ADAMTSL1: variants seen among roughly 807,000 people sequenced by gnomAD.
ADAMTSL1 encodes the protein ADAMTS-like protein 1.
A neutral mutation model predicts 201.8 loss-of-function variants in ADAMTSL1; 126 were observed. The ratio of observed to expected loss-of-function variants is 0.62; its 90% confidence interval spans 0.54 to 0.72. ADAMTSL1 has a LOEUF of 0.72. Ranked by LOEUF, ADAMTSL1 falls within the 30% of genes least tolerant of loss-of-function variation. The pLI is 0.00. For synonymous variants in ADAMTSL1, 1,121 were observed against 903.4 expected (o/e 1.24, Z -4.32); for missense variants, 2,679 against 2,277.8 (o/e 1.18, Z -3.59).
rs564705218 is a variant in ADAMTSL1, at chr9:18,561,448, T to C, written c.238-12582T>C. On this transcript the variant is annotated intron_variant, in intron 3 of 28. Transcript: ENST00000380548. ...TTGCTGAGGAGTGTTTTACTTCCAA[T>C]TATGTGGTCAATTTTAGAATAAGTG... Among the ~76,000 whole-genome samples the C allele has an allele frequency of 2.0e-5, 3 of 152,302 alleles. No homozygotes were observed. In the East Asian group the frequency reaches 5.8e-4, roughly 29 times the overall value.
intron 1 of ADAMTSL1, among the ~76,000 whole-genome samples, chr9:17,993,272 T>C (rs1819238907): frequency 6.6e-6 from 1 of 152,186 alleles, no homozygotes; most frequent in African/African-American, 2.4e-5. Context: ...AAGTGTGACA[T>C]TCATTCCTGT....
chr9:18,307,892 A>G (rs1388116478), intron 2 of ADAMTSL1, among the ~76,000 whole-genome samples: 1 of 152,158 alleles, frequency 6.6e-6, no homozygotes, highest in East Asian at 1.9e-4. Context: ...CAGAATATAC[A>G]TTCTTTTCAG....
intron 5 of ADAMTSL1, among the ~76,000 whole-genome samples, chr9:18,625,138 C>T (rs1826278171): frequency 6.6e-6 from 1 of 152,210 alleles, no homozygotes; most frequent in African/African-American, 2.4e-5. Flanking sequence ...GTTCTCCACA[C>T]CTGGAGGAGT....
intron 1 of ADAMTSL1, among the ~76,000 whole-genome samples, chr9:18,021,351 A>T (rs567262284): frequency 6.6e-6 from 1 of 151,792 alleles, no homozygotes; most frequent in Non-Finnish European, 1.5e-5. Flanking sequence ...AAAAGGAAAA[A>T]CTCCTTAACA....
intron 2 of ADAMTSL1, among the ~76,000 whole-genome samples, chr9:18,264,113 G>A (rs1832030951): frequency 6.6e-6 from 1 of 152,008 alleles, no homozygotes; most frequent in Non-Finnish European, 1.5e-5. Flanking sequence ...TCCATTACTA[G>A]CATCTAGATT....
intron 1 of ADAMTSL1, among the ~76,000 whole-genome samples, chr9:17,940,389 G>T (rs1375565648): frequency 1.3e-5 from 2 of 152,046 alleles, no homozygotes; most frequent in Non-Finnish European, 2.9e-5. Context: ...TCTTACAGCA[G>T]AATTCAGTAA....
chr9:18,100,156 A>T lies in ADAMTSL1; in HGVS notation c.88-63706A>T, dbSNP rs1016762836. ...TACAGTTTCAAACTGTTCTGTGGACATGTCCTCCAGAATTTTTGTCTGTAG... is the reference window on the plus strand; with the variant it reads ...TACAGTTTCAAACTGTTCTGTGGACTTGTCCTCCAGAATTTTTGTCTGTAG... On this transcript the variant is annotated intron_variant, in intron 1 of 29. Coordinates refer to the ADAMTSL1 transcript ENST00000680146. 1.3e-4 allele frequency among the ~76,000 whole-genome samples: 20 copies of T among 152,246 alleles called. No homozygotes were observed. In the East Asian group the frequency reaches 3.9e-3, roughly 29 times the overall value.
chr9:18,687,351 C>G (rs1412914545), intron 13 of ADAMTSL1, among the ~76,000 whole-genome samples: 5 of 152,118 alleles, frequency 3.3e-5, no homozygotes, highest in Non-Finnish European at 2.9e-5. Flanking sequence ...TATAATTACT[C>G]TCTGAAGCAT....
intron 1 of ADAMTSL1, among the ~76,000 whole-genome samples, chr9:17,932,366 G>C (rs1234505895): frequency 1.3e-5 from 2 of 152,130 alleles, no homozygotes; most frequent in African/African-American, 4.8e-5. Flanking sequence ...AGGGTGTTTG[G>C]TTCTGTGAGG....
intron 23 of ADAMTSL1, among the ~76,000 whole-genome samples, chr9:18,859,801 A>AAAG (rs1246905110): frequency 2.0e-5 from 3 of 152,196 alleles, no homozygotes; most frequent in Non-Finnish European, 2.9e-5. Flanking sequence ...AGAGTTGATT[A>AAAG]AAGATTCTTT....
chr9:18,056,545 A>C (rs1391459560), intron 1 of ADAMTSL1, among the ~76,000 whole-genome samples: 2 of 152,118 alleles, frequency 1.3e-5, no homozygotes, highest in Admixed American at 1.3e-4. Context: ...ACACATAGGG[A>C]GACGGTTATT....
intron 2 of ADAMTSL1, among the ~76,000 whole-genome samples, chr9:18,388,609 CTT>C (rs983342129): frequency 1.4e-5 from 2 of 143,056 alleles, no homozygotes; most frequent in Admixed American, 7.0e-5. Flanking sequence ...CCTTTGCTGC[CTT>C]TTTTTTTTTG....
chr9:18,265,775 G>A (rs1246678750), intron 2 of ADAMTSL1, among the ~76,000 whole-genome samples: 1 of 152,088 alleles, frequency 6.6e-6, no homozygotes, highest in African/African-American at 2.4e-5. Context: ...CTAAAAGAAA[G>A]GAAGACAGCT....
chr9:18,031,015 C>T (rs1364179411), intron 1 of ADAMTSL1, among the ~76,000 whole-genome samples: 1 of 152,024 alleles, frequency 6.6e-6, no homozygotes, highest in Non-Finnish European at 1.5e-5. Context: ...TCCAGAAGTC[C>T]ACTTTGGTTT....
chr9:18,085,140 G>A (rs1823685735), intron 1 of ADAMTSL1, among the ~76,000 whole-genome samples: 1 of 152,118 alleles, frequency 6.6e-6, no homozygotes, highest in Admixed American at 6.6e-5. Context: ...GAAATTAATA[G>A]GGAATGTGTA....
At chr9:18,279,854 G>C (rs1182380363) in intron 2 of ADAMTSL1, among the ~76,000 whole-genome samples, 1 of 152,152 alleles carries the variant, frequency 6.6e-6, no homozygotes, top group Non-Finnish European at 1.5e-5. Context: ...GGGTCTGTGG[G>C]TGTTAGCCTG....
chr9:18,341,225 C>T (rs567592479), intron 2 of ADAMTSL1, among the ~76,000 whole-genome samples: 2 of 152,256 alleles, frequency 1.3e-5, no homozygotes, highest in African/African-American at 4.8e-5. Flanking sequence ...CTCATCTTCT[C>T]AGTTTTATTC....
At chr9:18,247,781 G>T (rs1831319547) in intron 2 of ADAMTSL1, among the ~76,000 whole-genome samples, 1 of 152,022 alleles carries the variant, frequency 6.6e-6, no homozygotes. Flanking sequence ...AAAGGAGGGA[G>T]GGAGGAAGGG....
At chr9:18,886,073 G>A (rs1205276033) in intron 23 of ADAMTSL1, among the ~76,000 whole-genome samples, 4 of 150,728 alleles carry the variant, frequency 2.7e-5, no homozygotes, top group Non-Finnish European at 4.4e-5. Flanking sequence ...GATCACTTGA[G>A]GCCAGGAGTT....
Sources: gnomAD v4.1 joint callset for allele counts (sites outside exome capture counted in the v4.1 genomes callset) on GRCh38, gnomAD v4.1.1 for gene constraint, MANE v1.5 for transcripts, NCBI Gene and HGNC (gene_info 2026-07-23, HGNC 2026-07-21) for gene names.